Variants in PHTF2 observed in about 807,000 individuals in gnomAD.
PHTF2 encodes putative homeodomain transcription factor 2.
In PHTF2, 60 loss-of-function variants were observed where a neutral mutation model predicts 101.2. The ratio of observed to expected loss-of-function variants is 0.59; its 90% confidence interval spans 0.48 to 0.73. The LOEUF is 0.73. Ranked by LOEUF, PHTF2 falls within the 30% of genes least tolerant of loss-of-function variation. PHTF2 has a pLI of 0.00. For missense variants in PHTF2, 747 were observed against 908.7 expected, an observed-to-expected ratio of 0.82 and a Z score of 2.29; for synonymous variants, 311 against 307.3, an observed-to-expected ratio of 1.01 and a Z score of -0.13.
intron 18 of PHTF2, among the ~76,000 whole-genome samples, chr7:77,953,395 T>C (rs1433188658): frequency 2.0e-5 from 3 of 152,214 alleles, no homozygotes; most frequent in Non-Finnish European, 4.4e-5. Flanking sequence ...AGTTTTTACA[T>C]GTTATAATCT....
At chr7:77,910,859 G>T (rs549845632) in intron 9 of PHTF2, among the ~76,000 whole-genome samples, 3 of 151,924 alleles carry the variant, frequency 2.0e-5, no homozygotes, top group Non-Finnish European at 4.4e-5. Flanking sequence ...GCCAGACCTC[G>T]GCCTCCTAAA....
intron 9 of PHTF2, among the ~76,000 whole-genome samples, chr7:77,918,332 C>T (rs1238780455): frequency 6.6e-6 from 1 of 152,142 alleles, no homozygotes; most frequent in Non-Finnish European, 1.5e-5. Flanking sequence ...TGCCTACTAA[C>T]ATTTCTCAGA....
chr7:77,907,405 C>T (rs1584669307), intron 7 of PHTF2, among the ~76,000 whole-genome samples: 1 of 152,072 alleles, frequency 6.6e-6, no homozygotes, highest in Non-Finnish European at 1.5e-5. Flanking sequence ...TTGCAGGTGG[C>T]AGAAACTAAA....
chr7:77,904,805 T>C (rs1413991212), intron 7 of PHTF2, among the ~76,000 whole-genome samples: 1 of 152,192 alleles, frequency 6.6e-6, no homozygotes. Context: ...CATATGCATT[T>C]GTGTGGGGAG....
intron 3 of PHTF2, among the ~76,000 whole-genome samples, chr7:77,890,388 T>C (rs1442409663): frequency 1.3e-5 from 2 of 152,140 alleles, no homozygotes; most frequent in Non-Finnish European, 2.9e-5. Context: ...TTATTTTTCC[T>C]GATTTTAGGA....
chr7:77,954,797 A>G lies in PHTF2; in HGVS notation c.2338-61A>G. On this transcript the variant is annotated intron_variant, in intron 19 of 19. Transcript: ENST00000416283. ...TTGAATTTAAAAATGGTGTTATATG[A>G]TATAATTTAAGCTTTGATATTAAAA... The G allele has an allele frequency of 1.0e-5, 9 of 897,772 alleles. No homozygotes were observed. In the South Asian group the frequency reaches 1.4e-4, roughly 14 times the overall value. 55.6% of individuals were successfully genotyped at this position (897,772 alleles called of 1,614,324 possible). A position where few individuals can be genotyped will look rare whatever the true frequency, so the allele number is the denominator to read the frequency against.
chr7:77,889,395 C>A (rs1369671797), intron 3 of PHTF2, among the ~76,000 whole-genome samples: 1 of 152,118 alleles, frequency 6.6e-6, no homozygotes, highest in Non-Finnish European at 1.5e-5. Flanking sequence ...AGAGATAATT[C>A]AGTCTGAATT....
At chr7:77,866,525 A>G (rs1302233673) in intron 3 of PHTF2, among the ~76,000 whole-genome samples, 2 of 151,992 alleles carry the variant, frequency 1.3e-5, no homozygotes, top group Non-Finnish European at 2.9e-5. Flanking sequence ...GGTGCAGTGG[A>G]AAGGGCATGG....
chr7:77,912,860 G>T (rs1325511177), intron 9 of PHTF2, among the ~76,000 whole-genome samples: 1 of 151,112 alleles, frequency 6.6e-6, no homozygotes, highest in Non-Finnish European at 1.5e-5. Flanking sequence ...AGACTCTCAA[G>T]TAGCTGGGAC....
At chr7:77,860,347 T>C (rs1797536248) in intron 3 of PHTF2, among the ~76,000 whole-genome samples, 2 of 152,238 alleles carry the variant, frequency 1.3e-5, no homozygotes, top group Admixed American at 1.3e-4. Context: ...CGAAAAGCCA[T>C]TCCTGTCTTT....
chr7:77,930,423 A>G (rs1804457808), intron 12 of PHTF2, among the ~76,000 whole-genome samples: 1 of 152,170 alleles, frequency 6.6e-6, no homozygotes, highest in African/African-American at 2.4e-5. Flanking sequence ...TTGGTGAATG[A>G]CATCTCCATT....
At position 77,937,721 on chromosome 7, in the gene PHTF2, C is replaced by T. The variant is rs763206677; in HGVS notation, c.1350C>T (p.Pro450=). 12 of 1,354,660 alleles carry T rather than the reference C, an allele frequency of 8.9e-6. No homozygotes were observed. The African/African-American group carries it at 1.5e-4, about 17-fold the overall frequency. 83.9% of individuals were successfully genotyped at this position (1,354,660 alleles called of 1,614,324 possible). A position where few individuals can be genotyped will look rare whatever the true frequency, so the allele number is the denominator to read the frequency against. Residue 450 remains proline (P), a synonymous_variant, in exon 13 of 20, where the codon CCC becomes CCT. Coordinates refer to ENST00000416283, the Ensembl canonical transcript of PHTF2. Reference sequence around the variant, plus strand: ...TTTTTTTTTTATAGAGTCATTTGCCCTGGCTCCATAGTTCCCACCCAGGAT... The same window carrying T: ...TTTTTTTTTTATAGAGTCATTTGCCTTGGCTCCATAGTTCCCACCCAGGAT...
At chr7:77,856,171 C>T (rs1180468631) in intron 3 of PHTF2, among the ~76,000 whole-genome samples, 1 of 152,038 alleles carries the variant, frequency 6.6e-6, no homozygotes, top group Non-Finnish European at 1.5e-5. Context: ...TTGAGTCCAA[C>T]ATTTTGAGTC....
chr7:77,821,756 G>T (rs1794313524), intron 1 of PHTF2, among the ~76,000 whole-genome samples: 1 of 152,196 alleles, frequency 6.6e-6, no homozygotes, highest in Non-Finnish European at 1.5e-5. Context: ...ATGCAAGGCT[G>T]CTTGGCTGGC....
intron 2 of PHTF2, among the ~76,000 whole-genome samples, chr7:77,849,467 T>C (rs1796567192): frequency 6.6e-6 from 1 of 152,162 alleles, no homozygotes; most frequent in African/African-American, 2.4e-5. Context: ...AATAGCTCTG[T>C]AGTATAATTT....
Position 77,927,907 on chromosome 7 carries a change from A to C in PHTF2, c.1120-1202A>C, listed in dbSNP as rs564123641. Among the ~76,000 whole-genome samples, 14 of 152,312 alleles carry C rather than the reference A, an allele frequency of 9.2e-5. No individual in the cohort carries two copies. The South Asian group carries it at 2.9e-3, about 32-fold the overall frequency. On this transcript the variant is annotated intron_variant, in intron 11 of 19. Coordinates refer to ENST00000416283, the Ensembl canonical transcript of PHTF2. ...ACAAGGTCAAAAAGTAGCACATATG[A>C]AGATGAGCATGCTAGGTGAAGGAAT...
intron 16 of PHTF2, among the ~76,000 whole-genome samples, chr7:77,945,604 A>G (rs1805984820): frequency 6.6e-6 from 1 of 152,204 alleles, no homozygotes; most frequent in Non-Finnish European, 1.5e-5. Flanking sequence ...AACCATACAA[A>G]TAATACATTC....
At chr7:77,891,849 G>A (rs1299949399) in intron 3 of PHTF2, among the ~76,000 whole-genome samples, 1 of 152,080 alleles carries the variant, frequency 6.6e-6, no homozygotes, top group East Asian at 1.9e-4. Context: ...ACCTCCCAAA[G>A]TACTGAGATT....
At chr7:77,866,625 A>G (rs1276838835) in intron 3 of PHTF2, among the ~76,000 whole-genome samples, 1 of 152,172 alleles carries the variant, frequency 6.6e-6, no homozygotes, top group African/African-American at 2.4e-5. Context: ...AAAAAAGTTA[A>G]TACTGGTCTG....
Sources: gnomAD v4.1 joint callset for allele counts (sites outside exome capture counted in the v4.1 genomes callset) on GRCh38, gnomAD v4.1.1 for gene constraint, MANE v1.5 for transcripts, NCBI Gene and HGNC (gene_info 2026-07-23, HGNC 2026-07-21) for gene names.